IGSF10: variants seen among roughly 807,000 people sequenced by gnomAD.
IGSF10 encodes calvaria mechanical force protein 608.
IGSF10 carries 126 observed loss-of-function variants against 128.2 expected under a neutral mutation model. The observed-to-expected ratio is 0.98, with a 90% confidence interval of 0.85 to 1.14. IGSF10 has a LOEUF of 1.14. Ranked by LOEUF, IGSF10 falls within the 50% of genes most tolerant of loss-of-function variation. IGSF10 has a pLI of 0.00. For missense variants in IGSF10, 3,295 were observed against 3,149.8 expected (o/e 1.05, Z -1.10); for synonymous variants, 1,185 against 1,146.2 (o/e 1.03, Z -0.68).
chr3:151,488,384 T>C, the IGSF10 span, among the ~76,000 whole-genome samples: 5 of 152,180 alleles, frequency 3.3e-5, no homozygotes, highest in African/African-American at 1.2e-4. Context: ...ATCGTGAAAA[T>C]GGCCATACTG....
rs1577669078 is a variant in IGSF10, at chr3:151,446,095, G to C, written c.3886C>G (p.Pro1296Ala). 1 of 1,614,158 alleles carries C rather than the reference G, an allele frequency of 6.2e-7. No individual in the cohort carries two copies. Among genetic ancestry groups the C allele is most frequent in the Non-Finnish European group, 8.5e-7 (1 of 1,180,030 alleles). Residue 1296 changes from proline (P) to alanine (A), a missense_variant, in exon 6 of 8, where the codon CCT becomes GCT. Pro to Ala is a conservative substitution (Grantham distance 27, BLOSUM62 -1). Transcript: ENST00000282466. ...KKELPFPPLN[P>A]MLPSIISKDS... ...TTGCTTATAATACTAGGAAGCATAG[G>C]GTTAAGGGGTGGGAAGGGAAGCTCC... is the stretch of plus-strand genomic sequence containing the variant.
At chr3:151,547,427 T>C in the IGSF10 span, among the ~76,000 whole-genome samples, 3,538 of 140,694 alleles carry the variant, frequency 0.025, 61 homozygotes, top group Middle Eastern at 0.036. Flanking sequence ...TAAATATATA[T>C]ATACACACAC....
At chr3:151,561,957 T>G in the IGSF10 span, among the ~76,000 whole-genome samples, 2 of 152,178 alleles carry the variant, frequency 1.3e-5, no homozygotes. Flanking sequence ...AACACATACT[T>G]TCAAGACTTA....
chr3:151,525,001 CCTTTTTTTTTTTTTTTT>C, the IGSF10 span, among the ~76,000 whole-genome samples: 1 of 106,852 alleles, frequency 9.4e-6, no homozygotes, highest in African/African-American at 3.4e-5. Flanking sequence ...ATGCATTACA[CCTTTTTTTTTTTTTTTT>C]TTTTTTTTTT....
chr3:151,559,699 T>C, the IGSF10 span, among the ~76,000 whole-genome samples: 1 of 151,986 alleles, frequency 6.6e-6, no homozygotes, highest in African/African-American at 2.4e-5. Flanking sequence ...TGGAGAGGAG[T>C]AGAGGATAGG....
rs769736519 is a variant in IGSF10, at chr3:151,437,079, T to C, written c.7482A>G (p.Lys2494=). ...TTCCTCTGTCATAAGCTGTTGCTTC[T>C]TTAATGACTAAGGTGCCATTGTCAT... ...ILHDNGTLVI[K]EATAYDRGNY... The change falls in exon 8 of 8, where the codon AAA becomes AAG. Residue 2494 remains lysine, a synonymous_variant. Coordinates refer to ENST00000282466, the MANE Select transcript of IGSF10 (RefSeq NM_178822.5). 18 of 1,614,250 alleles carry C rather than the reference T, an allele frequency of 1.1e-5. No homozygotes were observed. The highest frequency in any genetic ancestry group is 1.5e-5 in the Non-Finnish European group (18 of 1,180,038).
the IGSF10 span, among the ~76,000 whole-genome samples, chr3:151,482,409 A>G: frequency 3.3e-4 from 51 of 152,306 alleles, no homozygotes; most frequent in South Asian, 1.0e-3. Flanking sequence ...GAAGAATTAA[A>G]TGAATAAAAT....
chr3:151,436,789 A>AT lies in IGSF10; in HGVS notation c.7771_7772insA (p.Val2591AspfsTer23). On this transcript the variant is annotated frameshift_variant, in exon 8 of 8. Transcript: ENST00000282466. LOFTEE classifies it low-confidence loss of function (END_TRUNC). ...ATCGGAGGTTTGGGGATTCTGAATGACTAGGGTACCTTGTAAGTGAAGCTG... is the reference window on the plus strand; with the variant it reads ...ATCGGAGGTTTGGGGATTCTGAATGATCTAGGGTACCTTGTAAGTGAAGCTG... The AT allele has an allele frequency of 6.2e-7, 1 of 1,614,154 alleles. No individual in the cohort carries two copies. Among genetic ancestry groups the AT allele is most frequent in the Non-Finnish European group, 8.5e-7 (1 of 1,180,000 alleles).
chr3:151,511,725 C>T, the IGSF10 span, among the ~76,000 whole-genome samples: 8 of 152,278 alleles, frequency 5.3e-5, no homozygotes, highest in African/African-American at 1.7e-4. Flanking sequence ...AAAACCATCT[C>T]ACGTGCAGAG....
chr3:151,578,782 C>G, the IGSF10 span, among the ~76,000 whole-genome samples: 2 of 152,192 alleles, frequency 1.3e-5, no homozygotes, highest in African/African-American at 4.8e-5. Context: ...AAAAAAAGAT[C>G]TTCTATCTTT....
chr3:151,582,920 A>T, the IGSF10 span, among the ~76,000 whole-genome samples: 1 of 152,220 alleles, frequency 6.6e-6, no homozygotes, highest in East Asian at 1.9e-4. Flanking sequence ...ATTTTACTAA[A>T]TGTCATTTTT....
At chr3:151,575,247 T>C in the IGSF10 span, among the ~76,000 whole-genome samples, 1 of 147,880 alleles carries the variant, frequency 6.8e-6, no homozygotes, top group Non-Finnish European at 1.5e-5. Flanking sequence ...TAACTACTGC[T>C]TTCTTCAGGG....
chr3:151,484,815 CA>C, the IGSF10 span, among the ~76,000 whole-genome samples: 1 of 150,586 alleles, frequency 6.6e-6, no homozygotes. Flanking sequence ...ACTTCAAAGA[CA>C]AAAGGTAGAT....
At chr3:151,488,714 G>A in the IGSF10 span, among the ~76,000 whole-genome samples, 1 of 152,132 alleles carries the variant, frequency 6.6e-6, no homozygotes, top group Non-Finnish European at 1.5e-5. Flanking sequence ...ACAAAAACAA[G>A]CAATGGGGAA....
rs200097610 is a variant in IGSF10, at chr3:151,445,914, G to T, written c.4067C>A (p.Thr1356Asn). The T allele has an allele frequency of 5.6e-6, 9 of 1,614,056 alleles. No individual in the cohort carries two copies. Among genetic ancestry groups the T allele is most frequent in the Non-Finnish European group, 6.8e-6 (8 of 1,180,038 alleles). ...REQEPQKKNR[T>N]DPNISPDQSS... ...CTGGTCTGGAGAGATGTTTGGGTCA[G>T]TCCTGTTCTTCTTTTGAGGCTCCTG... The change falls in exon 6 of 8, where the codon ACT becomes AAT. Residue 1356 changes from threonine to asparagine, a missense_variant. Thr to Asn is a moderately conservative substitution (Grantham distance 65, BLOSUM62 0). Transcript: ENST00000282466.
At chr3:151,469,944 A>G in the IGSF10 span, among the ~76,000 whole-genome samples, 3 of 152,226 alleles carry the variant, frequency 2.0e-5, no homozygotes, top group Non-Finnish European at 4.4e-5. Flanking sequence ...ATATTTTATT[A>G]TCTAATGTAC....
the IGSF10 span, among the ~76,000 whole-genome samples, chr3:151,569,731 T>C: frequency 3.3e-5 from 5 of 152,044 alleles, no homozygotes; most frequent in African/African-American, 1.2e-4. Context: ...TAACTATTTT[T>C]TAATCTTTTT....
the IGSF10 span, among the ~76,000 whole-genome samples, chr3:151,519,335 T>C: frequency 1.4e-5 from 2 of 146,212 alleles, no homozygotes; most frequent in South Asian, 2.1e-4. Flanking sequence ...CATGTATTTT[T>C]GTAAAAATTT....
At chr3:151,497,760 C>A in the IGSF10 span, among the ~76,000 whole-genome samples, 1 of 152,064 alleles carries the variant, frequency 6.6e-6, no homozygotes, top group East Asian at 1.9e-4. Context: ...CTATGAATTA[C>A]TTTGGGCAGT....
Sources: gnomAD v4.1 joint callset for allele counts (sites outside exome capture counted in the v4.1 genomes callset) on GRCh38, gnomAD v4.1.1 for gene constraint, MANE v1.5 for transcripts, NCBI Gene and HGNC (gene_info 2026-07-23, HGNC 2026-07-21) for gene names.